Variants in RETREG1 observed in about 807,000 individuals in gnomAD.
The protein encoded by RETREG1 is family with sequence similarity 134 member B.
A neutral mutation model predicts 54.8 loss-of-function variants in RETREG1; 44 were observed. The observed-to-expected ratio is 0.80, with a 90% CI of 0.63 to 1.03. RETREG1 has a LOEUF of 1.03. RETREG1 is among the 50% of genes least tolerant of loss of function. The pLI is 0.00. For missense variants in RETREG1, 554 were observed against 605.1 expected, an observed-to-expected ratio of 0.92 and a Z score of 0.89; for synonymous variants, 217 against 238.5, an observed-to-expected ratio of 0.91 and a Z score of 0.83.
At chr5:16,502,148 C>T (rs1026157735) in intron 3 of RETREG1, among the ~76,000 whole-genome samples, 1 of 151,614 alleles carries the variant, frequency 6.6e-6, no homozygotes, top group African/African-American at 2.4e-5. Context: ...TTAGTAGAGA[C>T]GGGGTTTCAA....
At chr5:16,560,210 A>G (rs1194011952) in intron 3 of RETREG1, among the ~76,000 whole-genome samples, 3 of 152,244 alleles carry the variant, frequency 2.0e-5, no homozygotes, top group African/African-American at 7.2e-5. Flanking sequence ...CCACACCTGC[A>G]TAAGTGTACA....
chr5:16,507,679 C>A (rs555082301), intron 3 of RETREG1, among the ~76,000 whole-genome samples: 1 of 152,270 alleles, frequency 6.6e-6, no homozygotes, highest in African/African-American at 2.4e-5. Context: ...ATTATAATTA[C>A]CACACACACA....
At chr5:16,505,337 A>T (rs553950653) in intron 3 of RETREG1, among the ~76,000 whole-genome samples, 1 of 151,546 alleles carries the variant, frequency 6.6e-6, no homozygotes, top group South Asian at 2.1e-4. Flanking sequence ...CACGCCAGGT[A>T]CTCTCCCACA....
intron 1 of RETREG1, among the ~76,000 whole-genome samples, chr5:16,572,846 C>A (rs940430485): frequency 1.3e-5 from 2 of 151,984 alleles, no homozygotes; most frequent in Non-Finnish European, 2.9e-5. Context: ...TTTTCATTTA[C>A]GCCCTATTCA....
At chr5:16,520,651 A>G (rs1359911617) in intron 3 of RETREG1, among the ~76,000 whole-genome samples, 2 of 152,174 alleles carry the variant, frequency 1.3e-5, no homozygotes, top group African/African-American at 4.8e-5. Context: ...AGAAAAGTTC[A>G]TTGACTGCTG....
intron 3 of RETREG1, chr5:16,508,527 A>G (rs1561095865): frequency 2.0e-6 from 3 of 1,508,806 alleles, no homozygotes; most frequent in Non-Finnish European, 1.8e-6. Flanking sequence ...AAAGATAACT[A>G]GCCAGTGAAA....
intron 1 of RETREG1, among the ~76,000 whole-genome samples, chr5:16,601,910 C>T (rs1460187430): frequency 2.6e-5 from 4 of 152,180 alleles, no homozygotes; most frequent in South Asian, 2.1e-4. Flanking sequence ...GCAGGCCTTT[C>T]GCCAGCTCAA....
At chr5:16,504,950 A>C (rs148095336) in intron 3 of RETREG1, among the ~76,000 whole-genome samples, 2,475 of 152,332 alleles carry the variant, frequency 0.016, 85 homozygotes, top group African/African-American at 0.057. Context: ...TTAAGCCTAA[A>C]ATCTGGCTAA....
At chr5:16,478,003 A>G (rs771381038) in intron 7 of RETREG1, 31 bp downstream of exon 7, 9 of 1,561,070 alleles carry the variant, frequency 5.8e-6, no homozygotes, top group Admixed American at 1.7e-5. Flanking sequence ...CAAACCACAC[A>G]GGAACAAATT....
At chr5:16,575,504 T>C (rs1278362931) in intron 1 of RETREG1, among the ~76,000 whole-genome samples, 1 of 152,230 alleles carries the variant, frequency 6.6e-6, no homozygotes, top group African/African-American at 2.4e-5. Context: ...CCATTAGTTA[T>C]TCTCTTAGTG....
At chr5:16,488,565 G>A (rs1739108233) in intron 3 of RETREG1, among the ~76,000 whole-genome samples, 1 of 152,172 alleles carries the variant, frequency 6.6e-6, no homozygotes, top group South Asian at 2.1e-4. Flanking sequence ...TTCAGCTGAG[G>A]CTTTGCTGGC....
At chr5:16,519,396 C>A (rs1740458944) in intron 3 of RETREG1, among the ~76,000 whole-genome samples, 1 of 152,208 alleles carries the variant, frequency 6.6e-6, no homozygotes, top group African/African-American at 2.4e-5. Flanking sequence ...TTGCCCCTGA[C>A]TCAGGTCCTT....
chr5:16,489,082 CAAAAAAAAAAAAAAAAAAAAA>C (rs567475517), intron 3 of RETREG1, among the ~76,000 whole-genome samples: 11 of 62,976 alleles, frequency 1.7e-4, no homozygotes, highest in East Asian at 1.3e-3. Flanking sequence ...GATTCTGTCT[CAAAAAAAAAAAAAAAAAAAAA>C]AAAAAAAAAA....
At position 16,605,334 on chromosome 5, in the gene RETREG1, G is replaced by A. The variant is rs377595597; in HGVS notation, c.320+11318C>T. ...GTCCCCAGGAATCAGAAGAAAAGGC[G>A]TCCTTCTCACCTAGCCCCTTCGTCC... is the stretch of plus-strand genomic sequence containing the variant. On this transcript the variant is annotated intron_variant, in intron 1 of 8. Transcript: ENST00000306320. Among the ~76,000 whole-genome samples, 20 of 152,228 alleles carry A rather than the reference G, an allele frequency of 1.3e-4. 1 individual carries two copies. In the South Asian group the frequency reaches 1.7e-3, roughly 13 times the overall value.
At chr5:16,518,264 CT>C (rs1222571691) in intron 3 of RETREG1, among the ~76,000 whole-genome samples, 12 of 146,596 alleles carry the variant, frequency 8.2e-5, no homozygotes, top group Non-Finnish European at 1.3e-4. Flanking sequence ...GATTTATATA[CT>C]GATTTATATA....
intron 3 of RETREG1, among the ~76,000 whole-genome samples, chr5:16,538,322 G>T (rs1321902171): frequency 1.3e-5 from 2 of 152,152 alleles, no homozygotes; most frequent in African/African-American, 4.8e-5. Flanking sequence ...CTTGCTCCTG[G>T]CTCCCCTTGG....
intron 3 of RETREG1, among the ~76,000 whole-genome samples, chr5:16,520,317 G>GT (rs1239879242): frequency 1.5e-3 from 124 of 84,892 alleles, no homozygotes; most frequent in Middle Eastern, 6.1e-3. Context: ...GGGTTTTGTG[G>GT]TTTTTTTTTT....
intron 3 of RETREG1, among the ~76,000 whole-genome samples, chr5:16,543,576 T>G (rs1342097845): frequency 6.6e-6 from 1 of 151,066 alleles, no homozygotes; most frequent in African/African-American, 2.4e-5. Context: ...CTTGGGAGAC[T>G]GAGGCAGGAG....
intron 6 of RETREG1, 75 bp downstream of exon 6, chr5:16,478,775 A>G: frequency 1.5e-6 from 2 of 1,316,340 alleles, no homozygotes; most frequent in Non-Finnish European, 2.2e-6. Context: ...CCTCAAATGT[A>G]TTAAAGAATT....
Sources: allele counts gnomAD v4.1 joint callset (sites outside exome capture counted in the v4.1 genomes callset), GRCh38; gene constraint gnomAD v4.1.1; transcripts MANE v1.5; gene names NCBI Gene and HGNC (gene_info 2026-07-23, HGNC 2026-07-21).